SYNM: variants seen among roughly 807,000 people sequenced by gnomAD.
SYNM encodes desmuslin.
A neutral mutation model predicts 104.0 loss-of-function variants in SYNM; 95 were observed. The ratio of observed to expected loss-of-function variants is 0.91; its 90% CI spans 0.77 to 1.08. SYNM has a LOEUF of 1.08. Ranked by LOEUF, SYNM falls within the 50% of genes least tolerant of loss-of-function variation. The pLI is 0.00. For synonymous variants in SYNM, 918 were observed against 869.0 expected (o/e 1.06, Z -0.99); for missense variants, 2,150 against 2,052.2 (o/e 1.05, Z -0.92).
At position 99,105,541 on chromosome 15, in the gene SYNM, T is replaced by C. The variant is rs1555482450; in HGVS notation, c.342T>C (p.Gly114=). 3.3e-6 allele frequency: 4 copies of C among 1,224,430 alleles called. No homozygotes were observed. The highest frequency in any genetic ancestry group is 4.1e-6 in the Non-Finnish European group (4 of 984,890). The allele number at this position is 1,224,430 out of a possible 1,614,324, so 75.8% of individuals were successfully genotyped here. ...AARGRLDAEL[G]AQQRELQEAL... ...GCGGCCGCCTGGACGCCGAGCTGGG[T>C]GCGCAGCAGCGCGAGCTGCAGGAGG... Residue 114 remains glycine, a synonymous_variant, in exon 1 of 4, where the codon GGT becomes GGC. Coordinates refer to ENST00000336292, the MANE Select transcript of SYNM (RefSeq NM_145728.3).
At chr15:99,126,608 G>C in intron 2 of SYNM, 114 bp from the exon 3 acceptor site, 1 of 1,043,256 alleles carries the variant, frequency 9.6e-7, no homozygotes, top group Non-Finnish European at 1.4e-6. Flanking sequence ...TCAGGTAGAA[G>C]TCCTAAAACA....
chr15:99,115,920 C>G (rs2067344781), intron 2 of SYNM, among the ~76,000 whole-genome samples: 1 of 152,254 alleles, frequency 6.6e-6, no homozygotes, highest in Non-Finnish European at 1.5e-5. Context: ...AGCCAGGGTT[C>G]ATCTGAGCCC....
chr15:99,137,861 T>C (rs2151818221), downstream of SYNM: 1 of 1,286,392 alleles, frequency 7.8e-7, no homozygotes, highest in Admixed American at 2.4e-5. Flanking sequence ...GGGAGGCTTA[T>C]GGTCTCACTG....
In SYNM at chr15:99,131,254, G is replaced by T. The variant is rs372910281; in HGVS notation, c.2894G>T (p.Arg965Met). The T allele has an allele frequency of 6.2e-7, 1 of 1,610,714 alleles. No individual in the cohort carries two copies. Among genetic ancestry groups the T allele is most frequent in the African/African-American group, 1.3e-5 (1 of 75,014 alleles). The change falls in exon 4 of 4, where the codon AGG becomes ATG. Residue 965 changes from arginine (R) to methionine (M), a missense_variant. Physicochemically the swap from Arg to Met is moderately conservative, Grantham distance 91. Coordinates refer to ENST00000336292, the MANE Select transcript of SYNM (RefSeq NM_145728.3). This position sits in a 1 kb window ranked among gnomAD's most constrained non-coding sequence, Gnocchi z 4.3. ...QLEETLPERM[R>M]EELSALTREG... ...GAGGAAACCCTTCCCGAGCGCATGA[G>T]GGAGGAGCTGTCCGCCCTCACCAGA...
At chr15:99,118,516 C>T (rs1031934237) in intron 2 of SYNM, among the ~76,000 whole-genome samples, 2 of 152,148 alleles carry the variant, frequency 1.3e-5, no homozygotes, top group South Asian at 2.1e-4. Flanking sequence ...GCTTAAAGCA[C>T]GTTTTGCTGG....
chr15:99,130,487 C>T lies in SYNM; in HGVS notation c.2127C>T (p.Ser709=), dbSNP rs185740384. 25 of 1,613,780 alleles carry T rather than the reference C, an allele frequency of 1.5e-5. 1 individual carries two copies. In the Admixed American group the frequency reaches 4.0e-4, roughly 26 times the overall value. ...SDEAGLDYLL[S]KDIKEVGLKG... Reference sequence around the variant, plus strand: ...AAGCTGGCCTGGACTACCTTTTAAGCAAGGATATTAAGGAAGTGGGGCTGA... The same window carrying T: ...AAGCTGGCCTGGACTACCTTTTAAGTAAGGATATTAAGGAAGTGGGGCTGA... The change falls in exon 4 of 4, where the codon AGC becomes AGT. Residue 709 remains serine (S), a synonymous_variant. Coordinates refer to ENST00000336292, the MANE Select transcript of SYNM (RefSeq NM_145728.3).
At chr15:99,137,932 T>G, downstream of SYNM, 1 of 1,579,054 alleles carries the variant, frequency 6.3e-7, no homozygotes, top group Admixed American at 1.7e-5. Context: ...GAATTCCATT[T>G]TCTAGGCGGA....
At chr15:99,129,283 G>T in intron 3 of SYNM, 84 bp from the exon 4 acceptor site, 1 of 1,527,364 alleles carries the variant, frequency 6.5e-7, no homozygotes, top group East Asian at 2.3e-5. Flanking sequence ...TGATGGAATG[G>T]GATTTGGCCT....
Position 99,105,119 on chromosome 15 carries a change from C to A in SYNM, c.-81C>A. ...CGGGGCAGCGGCGAGGCCGGAGCGTCGCGGCGGAGAGGACGAGACCGGGAC... is the reference window on the plus strand; with the variant it reads ...CGGGGCAGCGGCGAGGCCGGAGCGTAGCGGCGGAGAGGACGAGACCGGGAC... On this transcript the variant is annotated 5_prime_UTR_variant, in exon 1 of 4. Coordinates refer to ENST00000336292, the MANE Select transcript of SYNM (RefSeq NM_145728.3). 6.8e-7 allele frequency: 1 copy of A among 1,460,798 alleles called. No individual in the cohort carries two copies. Among genetic ancestry groups the A allele is most frequent in the East Asian group, 2.7e-5 (1 of 37,504 alleles). 90.5% of individuals were successfully genotyped at this position (1,460,798 alleles called of 1,614,324 possible).
At chr15:99,122,624 C>G (rs1390640538) in intron 2 of SYNM, among the ~76,000 whole-genome samples, 1 of 152,014 alleles carries the variant, frequency 6.6e-6, no homozygotes, top group Non-Finnish European at 1.5e-5. Flanking sequence ...TCGTTTGAGC[C>G]CAGGAGTTGG....
In SYNM at chr15:99,133,205, C is replaced by T. The variant is rs2067532274; in HGVS notation, c.*147C>T. 7.0e-7 allele frequency: 1 copy of T among 1,429,590 alleles called. No homozygotes were observed. The highest frequency in any genetic ancestry group is 2.3e-4 in the Middle Eastern group (1 of 4,432). 88.6% of individuals were successfully genotyped at this position (1,429,590 alleles called of 1,614,324 possible). A position where few individuals can be genotyped will look rare whatever the true frequency, so the allele number is the denominator to read the frequency against. On this transcript the variant is annotated 3_prime_UTR_variant, in exon 4 of 4. Transcript: ENST00000336292. The stretch of plus-strand genomic sequence containing the variant: ...GAGTACTCCCGGCATGGTCAATTTC[C>T]TTTATAGTTAATCCGTAAAGGTTTC...
chr15:99,111,639 A>T (rs2067300759), intron 1 of SYNM, among the ~76,000 whole-genome samples: 1 of 152,258 alleles, frequency 6.6e-6, no homozygotes, highest in Non-Finnish European at 1.5e-5. Flanking sequence ...AAGGGGTTTT[A>T]AACTACTTCA....
At chr15:99,113,738 G>A (rs782755231) in intron 2 of SYNM, 23 bp downstream of exon 2, 2 of 1,612,418 alleles carry the variant, frequency 1.2e-6, no homozygotes, top group Admixed American at 3.3e-5. Context: ...TGCTGAGTTG[G>A]CCTTGACGAA....
chr15:99,138,238 G>C, downstream of SYNM: 2 of 1,302,754 alleles, frequency 1.5e-6, no homozygotes, highest in Non-Finnish European at 2.1e-6. Context: ...GAGAAGACTT[G>C]GTAGGGGCTA....
chr15:99,110,723 G>A (rs151231158), intron 1 of SYNM, among the ~76,000 whole-genome samples: 7 of 152,274 alleles, frequency 4.6e-5, no homozygotes, highest in Non-Finnish European at 8.8e-5. Context: ...TTCCTGGTGT[G>A]GAGCAAGATT....
chr15:99,123,423 C>G (rs1555484742), intron 2 of SYNM, among the ~76,000 whole-genome samples: 1 of 151,990 alleles, frequency 6.6e-6, no homozygotes, highest in Non-Finnish European at 1.5e-5. Context: ...TCCTGTTATC[C>G]TTCCTGTGAA....
intron 1 of SYNM, among the ~76,000 whole-genome samples, chr15:99,111,393 C>T (rs1342813730): frequency 1.3e-5 from 2 of 152,142 alleles, no homozygotes; most frequent in South Asian, 2.1e-4. Context: ...GAACCTTGTA[C>T]CTGAATTGTA....
intron 2 of SYNM, among the ~76,000 whole-genome samples, chr15:99,123,023 G>A (rs915674850): frequency 6.6e-6 from 1 of 152,188 alleles, no homozygotes; most frequent in African/African-American, 2.4e-5. Context: ...AGGAGGTGGG[G>A]ACGACGTGAT....
chr15:99,107,037 T>C (rs1445920031), intron 1 of SYNM, among the ~76,000 whole-genome samples: 2 of 152,204 alleles, frequency 1.3e-5, no homozygotes, highest in Non-Finnish European at 2.9e-5. Context: ...GATGAGTAAA[T>C]ACCTGTTGAT....
Sources: allele counts gnomAD v4.1 joint callset (sites outside exome capture counted in the v4.1 genomes callset), GRCh38; gene constraint gnomAD v4.1.1; non-coding constraint Gnocchi (gnomAD v3.1); transcripts MANE v1.5; gene names NCBI Gene and HGNC (gene_info 2026-07-23, HGNC 2026-07-21).